The following PDGFD variants were observed in gnomAD, a reference collection of about 807,000 sequenced individuals.
PDGFD encodes platelet derived growth factor D.
A neutral mutation model predicts 44.7 loss-of-function variants in PDGFD; 30 were observed. The observed-to-expected ratio is 0.67, with a 90% CI of 0.50 to 0.91. PDGFD has a LOEUF of 0.91. PDGFD is among the 40% of genes least tolerant of loss of function. The pLI, the probability that PDGFD is intolerant of heterozygous loss-of-function variation, is 0.00. For missense variants in PDGFD, 445 were observed against 457.8 expected (o/e 0.97, Z 0.25); for synonymous variants, 173 against 168.4 (o/e 1.03, Z -0.21).
At chr11:104,048,659 G>A (rs567167834) in intron 1 of PDGFD, among the ~76,000 whole-genome samples, 10 of 152,236 alleles carry the variant, frequency 6.6e-5, no homozygotes, top group Admixed American at 6.5e-4. Flanking sequence ...AAGCTATCTT[G>A]TTTTTAAGTC....
At chr11:104,140,773 T>C (rs1862072862) in intron 1 of PDGFD, among the ~76,000 whole-genome samples, 1 of 150,988 alleles carries the variant, frequency 6.6e-6, no homozygotes, top group South Asian at 2.1e-4. Context: ...CTATTGCTAA[T>C]GTCCTAACCT....
chr11:104,000,013 C>T (rs1289591542), intron 2 of PDGFD, 38 bp downstream of exon 2: 12 of 1,538,908 alleles, frequency 7.8e-6, no homozygotes, highest in Non-Finnish European at 9.9e-6. Context: ...CTTTTTTCAC[C>T]TTGAAATAGT....
intron 3 of PDGFD, among the ~76,000 whole-genome samples, chr11:103,978,260 T>C (rs925009164): frequency 1.3e-5 from 2 of 152,042 alleles, no homozygotes; most frequent in African/African-American, 4.8e-5. Flanking sequence ...GGACAATCGA[T>C]AGGGATGGTG....
intron 1 of PDGFD, chr11:104,038,187 C>G (rs1860286166): frequency 5.9e-6 from 4 of 678,498 alleles, no homozygotes; most frequent in Non-Finnish European, 7.5e-6. Flanking sequence ...TGGTCTTGGT[C>G]CCTCTTCCAT....
chr11:103,983,155 C>T (rs1430997389), intron 3 of PDGFD, among the ~76,000 whole-genome samples: 1 of 151,792 alleles, frequency 6.6e-6, no homozygotes, highest in Non-Finnish European at 1.5e-5. Flanking sequence ...ATCACACAAC[C>T]TGACTTCAAA....
intron 1 of PDGFD, among the ~76,000 whole-genome samples, chr11:104,096,906 T>C (rs1173431570): frequency 6.6e-6 from 1 of 152,172 alleles, no homozygotes; most frequent in Non-Finnish European, 1.5e-5. Context: ...AGGAGATGGA[T>C]TATATGGTTA....
intron 1 of PDGFD, among the ~76,000 whole-genome samples, chr11:104,078,950 C>A (rs1279791959): frequency 1.3e-5 from 2 of 152,076 alleles, no homozygotes; most frequent in Admixed American, 1.3e-4. Context: ...CTCCACTTAG[C>A]AATTGGGTAG....
Position 103,941,647 on chromosome 11 carries a change from G to T in PDGFD, c.772+1805C>A, listed in dbSNP as rs576625489. ...TGCTAAAAAAAAAATCACAAAACTTGTAAGTGGCAGGGTTAGAATTTGAAT... is the reference window on the plus strand; with the variant it reads ...TGCTAAAAAAAAAATCACAAAACTTTTAAGTGGCAGGGTTAGAATTTGAAT... On this transcript the variant is annotated intron_variant, in intron 5 of 6. Transcript: ENST00000393158. Among the ~76,000 whole-genome samples the T allele has an allele frequency of 3.3e-5, 5 of 152,034 alleles. No individual in the cohort carries two copies. The East Asian group carries it at 9.7e-4, about 29-fold the overall frequency.
intron 1 of PDGFD, among the ~76,000 whole-genome samples, chr11:104,029,710 T>C (rs534115324): frequency 2.6e-5 from 4 of 152,350 alleles, no homozygotes; most frequent in African/African-American, 7.2e-5. Flanking sequence ...TTGAGGTGTC[T>C]TGGCCAGTGG....
Position 103,999,952 on chromosome 11 carries a change from T to G in PDGFD, c.329+99A>C, listed in dbSNP as rs1029715988. The G allele has an allele frequency of 4.6e-6, 5 of 1,093,844 alleles. No homozygotes were observed. In the African/African-American group the frequency reaches 7.9e-5, roughly 17 times the overall value. The allele number at this position is 1,093,844 out of a possible 1,614,324, so 67.8% of individuals were successfully genotyped here. A position where few individuals can be genotyped will look rare whatever the true frequency, so the allele number is the denominator to read the frequency against. ...AAGAAGCGACACATGTTGGGTCCAT[T>G]TAAAAGGCTCAAAAGGAATGTTTGA... On this transcript the variant is annotated intron_variant, in intron 2 of 6. Transcript: ENST00000393158.
At chr11:103,914,899 C>G (rs146547034) in intron 6 of PDGFD, among the ~76,000 whole-genome samples, 2,966 of 152,206 alleles carry the variant, frequency 0.019, 87 homozygotes, top group African/African-American at 0.067. Context: ...ATTCAACAGC[C>G]CTTCATGCTA....
intron 1 of PDGFD, among the ~76,000 whole-genome samples, chr11:104,059,027 C>T (rs923825856): frequency 4.6e-5 from 7 of 152,164 alleles, no homozygotes; most frequent in African/African-American, 1.7e-4. Flanking sequence ...GGGCCATTTT[C>T]AGGTGACAAA....
chr11:103,989,995 G>T (rs974560240), intron 3 of PDGFD, among the ~76,000 whole-genome samples: 2 of 152,052 alleles, frequency 1.3e-5, no homozygotes, highest in Non-Finnish European at 2.9e-5. Context: ...GATTATCTTT[G>T]TTTAGTGTCT....
At position 104,026,111 on chromosome 11, in the gene PDGFD, G is replaced by C. The variant is rs538228405; in HGVS notation, c.125-25856C>G. Among the ~76,000 whole-genome samples the C allele has an allele frequency of 8.4e-4, 128 of 152,252 alleles. 2 individuals carry two copies. The South Asian group carries it at 0.026, about 30-fold the overall frequency. On this transcript the variant is annotated intron_variant, in intron 1 of 6. Transcript: ENST00000393158. ...CATGGCTGTAACACTATCTTCTCCT[G>C]ACCTCCACCTGATGAATACTGTATC...
intron 1 of PDGFD, among the ~76,000 whole-genome samples, chr11:104,119,787 A>G (rs1171092245): frequency 8.7e-6 from 1 of 115,120 alleles, no homozygotes; most frequent in Non-Finnish European, 1.6e-5. Context: ...ATAATATATA[A>G]GAAATTATAT....
At chr11:104,100,770 T>C (rs950374998) in intron 1 of PDGFD, among the ~76,000 whole-genome samples, 4 of 152,166 alleles carry the variant, frequency 2.6e-5, no homozygotes, top group Admixed American at 6.5e-5. Flanking sequence ...GTGGGCTTCA[T>C]CCCTGGGATG....
chr11:104,055,070 G>A (rs1157638613), intron 1 of PDGFD, among the ~76,000 whole-genome samples: 1 of 152,172 alleles, frequency 6.6e-6, no homozygotes, highest in Non-Finnish European at 1.5e-5. Flanking sequence ...TCCTACCAAT[G>A]GCTTTTACAC....
At chr11:104,048,648 A>G (rs1396703973) in intron 1 of PDGFD, among the ~76,000 whole-genome samples, 1 of 152,198 alleles carries the variant, frequency 6.6e-6, no homozygotes, top group South Asian at 2.1e-4. Flanking sequence ...GGCCATTCCC[A>G]AAGCTATCTT....
chr11:104,044,198 A>G (rs1860404251), intron 1 of PDGFD, among the ~76,000 whole-genome samples: 1 of 152,232 alleles, frequency 6.6e-6, no homozygotes, highest in Non-Finnish European at 1.5e-5. Flanking sequence ...CGAGAATGGA[A>G]CCTAAAATTA....
Sources: allele counts gnomAD v4.1 joint callset (sites outside exome capture counted in the v4.1 genomes callset), GRCh38; gene constraint gnomAD v4.1.1; transcripts MANE v1.5; gene names NCBI Gene and HGNC (gene_info 2026-07-23, HGNC 2026-07-21).